The following TMEM163 variants were observed in gnomAD, a reference collection of about 807,000 sequenced individuals.
The protein encoded by TMEM163 is transmembrane protein 163.
Under a neutral mutation model 29.3 loss-of-function variants are expected in TMEM163, and 17 were observed. The ratio of observed to expected loss-of-function variants is 0.58; its 90% CI spans 0.40 to 0.87. The LOEUF (loss-of-function observed/expected upper bound fraction) is 0.87. Among genes scored for constraint, TMEM163 ranks in the 40% least tolerant of loss-of-function variants. The probability of loss-of-function intolerance (pLI) is 0.00; values close to 1 mark genes in which losing one functional copy is unlikely to be tolerated. For synonymous variants in TMEM163, 157 were observed against 160.6 expected, an observed-to-expected ratio of 0.98 and a Z score of 0.17; for missense variants, 303 against 381.5, an observed-to-expected ratio of 0.79 and a Z score of 1.71.
intron 2 of TMEM163, among the ~76,000 whole-genome samples, chr2:134,662,702 G>A (rs984475649): frequency 1.3e-5 from 2 of 152,186 alleles, no homozygotes. Context: ...TGACATTGCT[G>A]ACCTGAAATC....
chr2:134,514,891 A>G (rs1245833117), intron 4 of TMEM163, among the ~76,000 whole-genome samples: 1 of 152,170 alleles, frequency 6.6e-6, no homozygotes, highest in Non-Finnish European at 1.5e-5. Flanking sequence ...CTAGGAGAGG[A>G]GCTATTCCTT....
At chr2:134,623,926 A>T (rs1336731215) in intron 2 of TMEM163, among the ~76,000 whole-genome samples, 1 of 152,186 alleles carries the variant, frequency 6.6e-6, no homozygotes, top group African/African-American at 2.4e-5. Flanking sequence ...CAAAGAGAAA[A>T]CCATTTAAGA....
intron 2 of TMEM163, among the ~76,000 whole-genome samples, chr2:134,631,661 T>G (rs1020720045): frequency 7.9e-5 from 12 of 152,216 alleles, no homozygotes; most frequent in African/African-American, 2.9e-4. Context: ...GTTCTTCGTG[T>G]TCCATCATAC....
At chr2:134,474,027 C>A (rs1049398944) in intron 5 of TMEM163, among the ~76,000 whole-genome samples, 2 of 152,172 alleles carry the variant, frequency 1.3e-5, no homozygotes, top group Admixed American at 6.5e-5. Flanking sequence ...CTGAGGCCAG[C>A]ATTACCATGA....
chr2:134,632,774 G>A (rs937402121), intron 2 of TMEM163, among the ~76,000 whole-genome samples: 2 of 150,204 alleles, frequency 1.3e-5, no homozygotes, highest in East Asian at 1.9e-4. Context: ...ATGGAGTCTC[G>A]CTCTGTCACC....
chr2:134,642,618 T>A (rs1160228159), intron 2 of TMEM163, among the ~76,000 whole-genome samples: 1 of 152,112 alleles, frequency 6.6e-6, no homozygotes, highest in African/African-American at 2.4e-5. Context: ...ACATGGAACA[T>A]TCACTAGGAT....
At chr2:134,637,407 T>C (rs982885335) in intron 2 of TMEM163, among the ~76,000 whole-genome samples, 5 of 152,240 alleles carry the variant, frequency 3.3e-5, no homozygotes, top group Admixed American at 6.5e-5. Flanking sequence ...GGTTCCCGCC[T>C]GGCAGCCTGT....
rs544326299 is a variant in TMEM163 at position 134,553,582 on chromosome 2, G to A, written c.323-1491C>T. 2.6e-5 allele frequency among the ~76,000 whole-genome samples: 4 copies of A among 152,316 alleles called. No homozygotes were observed. The South Asian group carries it at 8.3e-4, about 32-fold the overall frequency. ...GGGAGAGTGAACCACTGGTGTCCGA[G>A]CGTTTCCAGACCCTTCCTGAAACTC... On this transcript the variant is annotated intron_variant, in intron 2 of 7. Transcript: ENST00000281924.
At chr2:134,616,716 A>T (rs556509854) in intron 2 of TMEM163, among the ~76,000 whole-genome samples, 2 of 152,202 alleles carry the variant, frequency 1.3e-5, no homozygotes, top group African/African-American at 2.4e-5. Context: ...ACCAATGTCA[A>T]TTACCTGGTT....
At chr2:134,708,897 A>G (rs535918943) in intron 2 of TMEM163, among the ~76,000 whole-genome samples, 6 of 152,286 alleles carry the variant, frequency 3.9e-5, no homozygotes, top group African/African-American at 9.6e-5. Context: ...AGCTGCACCT[A>G]ATTTTGAGTG....
At chr2:134,690,969 G>A (rs555243842) in intron 2 of TMEM163, among the ~76,000 whole-genome samples, 7 of 152,260 alleles carry the variant, frequency 4.6e-5, no homozygotes, top group South Asian at 2.1e-4. Flanking sequence ...CCAGGCAATC[G>A]GTGCCCCAGG....
chr2:134,497,583 C>A (rs558876375), intron 5 of TMEM163, among the ~76,000 whole-genome samples: 1 of 152,286 alleles, frequency 6.6e-6, no homozygotes, highest in African/African-American at 2.4e-5. Flanking sequence ...AATTTAGAAA[C>A]AATATCATCT....
chr2:134,572,090 C>T (rs1228860708), intron 2 of TMEM163, among the ~76,000 whole-genome samples: 1 of 152,202 alleles, frequency 6.6e-6, no homozygotes, highest in Admixed American at 6.5e-5. Flanking sequence ...GCTCTATTAA[C>T]CTTCTCTACA....
At chr2:134,550,462 T>C in intron 4 of TMEM163, 108 bp downstream of exon 4, 1 of 1,050,056 alleles carries the variant, frequency 9.5e-7, no homozygotes, top group Non-Finnish European at 1.4e-6. Context: ...GGGACCTTCT[T>C]CTCATCACTG....
intron 5 of TMEM163, among the ~76,000 whole-genome samples, chr2:134,487,770 G>A (rs2106481393): frequency 6.6e-6 from 1 of 152,282 alleles, no homozygotes; most frequent in African/African-American, 2.4e-5. Context: ...GGTGGCCTTT[G>A]AAATCATCTT....
chr2:134,661,928 T>TTTTTG (rs1683761212), intron 2 of TMEM163, among the ~76,000 whole-genome samples: 1 of 129,552 alleles, frequency 7.7e-6, no homozygotes, highest in African/African-American at 3.2e-5. Context: ...TAATTTTCTT[T>TTTTTG]CTTTTTTTTT....
intron 2 of TMEM163, among the ~76,000 whole-genome samples, chr2:134,605,048 G>A (rs1430631668): frequency 3.3e-5 from 5 of 151,702 alleles, no homozygotes; most frequent in South Asian, 2.1e-4. Context: ...GCATGGTGGC[G>A]CATCTGTAAT....
intron 5 of TMEM163, among the ~76,000 whole-genome samples, chr2:134,487,765 C>G (rs879797491): frequency 7.9e-5 from 12 of 152,040 alleles, no homozygotes; most frequent in Non-Finnish European, 1.2e-4. Context: ...ATGGAGGTGG[C>G]CTTTGAAATC....
intron 4 of TMEM163, among the ~76,000 whole-genome samples, chr2:134,525,155 A>T (rs1217224066): frequency 6.6e-6 from 1 of 152,164 alleles, no homozygotes; most frequent in Non-Finnish European, 1.5e-5. Context: ...GTGAACTATA[A>T]GAATCACCGT....
Sources: gnomAD v4.1 joint callset for allele counts (sites outside exome capture counted in the v4.1 genomes callset) on GRCh38, gnomAD v4.1.1 for gene constraint, MANE v1.5 for transcripts, NCBI Gene and HGNC (gene_info 2026-07-23, HGNC 2026-07-21) for gene names.